Variants in ITSN1 observed in about 807,000 individuals in gnomAD.
The protein encoded by ITSN1 is intersectin 1.
A neutral mutation model predicts 239.8 loss-of-function variants in ITSN1; 58 were observed. The ratio of observed to expected loss-of-function variants is 0.24; its 90% confidence interval spans 0.20 to 0.30. The LOEUF is 0.30. ITSN1 is among the 10% of genes least tolerant of loss of function. The pLI is 1.00. For synonymous variants in ITSN1, 780 were observed against 770.8 expected (o/e 1.01, Z -0.20); for missense variants, 1,558 against 2,103.3 (o/e 0.74, Z 5.07).
rs572360548 is a variant in ITSN1 at position 33,889,050 on chromosome 21, A to G, written c.*750A>G. 1 of 152,112 alleles carries G rather than the reference A, an allele frequency of 6.6e-6. No individual in the cohort carries two copies. The highest frequency in any genetic ancestry group is 1.5e-5 in the Non-Finnish European group (1 of 68,012). The allele number at this position is 152,112 out of a possible 1,614,324, so 9.4% of individuals were successfully genotyped here. A position where few individuals can be genotyped will look rare whatever the true frequency, so the allele number is the denominator to read the frequency against. ...GGTCACAGAAAGTCATTATCTAGAA[A>G]GTCACCCCTCTGCTGGATCAGATCA... is the stretch of plus-strand genomic sequence containing the variant. On this transcript the variant is annotated 3_prime_UTR_variant, in exon 40 of 40. Transcript: ENST00000381318.
intron 26 of ITSN1, chr21:33,828,842 C>A: frequency 2.4e-6 from 1 of 420,928 alleles, no homozygotes; most frequent in Non-Finnish European, 4.9e-6. Context: ...TGTTTCAGAG[C>A]CTGGTCTGTG....
At chr21:33,784,047 A>G (rs941492448) in intron 16 of ITSN1, among the ~76,000 whole-genome samples, 6 of 152,172 alleles carry the variant, frequency 3.9e-5, no homozygotes, top group African/African-American at 1.4e-4. Context: ...CATAAAGGCC[A>G]ATTTTAGCCC....
At chr21:33,802,163 C>G (rs1172794904) in intron 19 of ITSN1, among the ~76,000 whole-genome samples, 1 of 152,066 alleles carries the variant, frequency 6.6e-6, no homozygotes, top group Non-Finnish European at 1.5e-5. Flanking sequence ...GCAGCTCGCT[C>G]TCATCCTAAA....
intron 18 of ITSN1, among the ~76,000 whole-genome samples, chr21:33,798,497 C>T (rs2071737057): frequency 6.6e-6 from 1 of 151,930 alleles, no homozygotes; most frequent in African/African-American, 2.4e-5. Flanking sequence ...AAAAGCTATC[C>T]TTTATAATAT....
intron 1 of ITSN1, among the ~76,000 whole-genome samples, chr21:33,702,741 C>G (rs1370824750): frequency 6.6e-6 from 1 of 152,152 alleles, no homozygotes; most frequent in East Asian, 1.9e-4. Context: ...AATAACAAAT[C>G]TGTTTCAATA....
chr21:33,702,023 G>A (rs1359329607), intron 1 of ITSN1, among the ~76,000 whole-genome samples: 2 of 150,794 alleles, frequency 1.3e-5, no homozygotes, highest in Admixed American at 6.6e-5. Context: ...AGCCAAGATT[G>A]CACCACTTCA....
intron 34 of ITSN1, among the ~76,000 whole-genome samples, 153 bp downstream of exon 34, chr21:33,875,674 C>T (rs1263799678): frequency 6.6e-6 from 1 of 152,134 alleles, no homozygotes; most frequent in Non-Finnish European, 1.5e-5. Context: ...TTTCATCCAC[C>T]CACTGAGTAT....
chr21:33,650,320 A>G (rs901496349), intron 1 of ITSN1, among the ~76,000 whole-genome samples: 2 of 152,192 alleles, frequency 1.3e-5, no homozygotes, highest in African/African-American at 4.8e-5. Context: ...CTAGTTAAGA[A>G]GGACGCTGAC....
intron 2 of ITSN1, among the ~76,000 whole-genome samples, chr21:33,719,989 G>C (rs1412146961): frequency 1.3e-5 from 2 of 152,140 alleles, no homozygotes; most frequent in African/African-American, 2.4e-5. Flanking sequence ...AAGTCTCCGT[G>C]GGATTCTGGT....
chr21:33,837,472 G>A (rs947964583), intron 29 of ITSN1: 44 of 985,980 alleles, frequency 4.5e-5, no homozygotes, highest in Non-Finnish European at 4.6e-5. Flanking sequence ...GAGACTTGAT[G>A]TATTTTTTCA....
intron 5 of ITSN1, chr21:33,735,477 C>A: frequency 6.0e-6 from 2 of 334,566 alleles, no homozygotes; most frequent in Non-Finnish European, 5.4e-6. Context: ...GCTGCAGCTT[C>A]TGGGTTTTTT....
intron 12 of ITSN1, among the ~76,000 whole-genome samples, 183 bp downstream of exon 12, chr21:33,772,506 A>G (rs886124427): frequency 2.6e-5 from 4 of 152,160 alleles, no homozygotes; most frequent in Non-Finnish European, 5.9e-5. Context: ...CTCTTTACCC[A>G]TTAAGCAGCT....
At chr21:33,785,850 G>A (rs2070627122) in intron 16 of ITSN1, among the ~76,000 whole-genome samples, 1 of 151,948 alleles carries the variant, frequency 6.6e-6, no homozygotes, top group Non-Finnish European at 1.5e-5. Flanking sequence ...TACCTTTTAG[G>A]TGTCATATTT....
intron 30 of ITSN1, among the ~76,000 whole-genome samples, chr21:33,858,271 C>T (rs530643824): frequency 3.3e-5 from 5 of 152,316 alleles, no homozygotes; most frequent in East Asian, 3.9e-4. Context: ...AGAAGGCCCT[C>T]GGTTTACCTA....
chr21:33,887,761 A>G (rs1175739514), intron 39 of ITSN1, among the ~76,000 whole-genome samples: 1 of 152,072 alleles, frequency 6.6e-6, no homozygotes, highest in Non-Finnish European at 1.5e-5. Flanking sequence ...ATGAACCACC[A>G]TGCTAGGCTA....
intron 34 of ITSN1, among the ~76,000 whole-genome samples, chr21:33,879,958 G>T (rs1984632696): frequency 6.6e-6 from 1 of 152,240 alleles, no homozygotes; most frequent in South Asian, 2.1e-4. Context: ...GGGATTACAG[G>T]TGTGATCCAC....
At chr21:33,656,665 A>C (rs920985229) in intron 1 of ITSN1, among the ~76,000 whole-genome samples, 2 of 152,190 alleles carry the variant, frequency 1.3e-5, no homozygotes, top group Non-Finnish European at 1.5e-5. Context: ...CCCCCGGAGT[A>C]GGTAGATCAG....
intron 5 of ITSN1, among the ~76,000 whole-genome samples, chr21:33,746,799 G>A (rs144640293): frequency 1.9e-3 from 285 of 152,124 alleles, no homozygotes; most frequent in South Asian, 2.7e-3. Context: ...ACGAAATTGC[G>A]CCATTATACT....
chr21:33,803,789 T>C (rs1452441439), intron 20 of ITSN1, among the ~76,000 whole-genome samples: 1 of 152,208 alleles, frequency 6.6e-6, no homozygotes, highest in Non-Finnish European at 1.5e-5. Flanking sequence ...GAGTATCTAC[T>C]CAGGACTGTA....
Sources: allele counts gnomAD v4.1 joint callset (sites outside exome capture counted in the v4.1 genomes callset), GRCh38; gene constraint gnomAD v4.1.1; transcripts MANE v1.5; gene names NCBI Gene and HGNC (gene_info 2026-07-23, HGNC 2026-07-21).